Variants in ACOXL observed in about 807,000 individuals in gnomAD.
The protein encoded by ACOXL is acyl-CoA oxidase like.
Under a neutral mutation model 71.9 loss-of-function variants are expected in ACOXL, and 70 were observed. That is an observed-to-expected ratio of 0.97 (90% CI 0.80 to 1.19). ACOXL has a LOEUF of 1.19. Ranked by LOEUF, ACOXL falls within the 50% of genes most tolerant of loss-of-function variation. The pLI is 0.00. For missense variants in ACOXL, 703 were observed against 736.3 expected (o/e 0.95, Z 0.52); for synonymous variants, 253 against 281.6 (o/e 0.90, Z 1.02).
At chr2:110,974,261 TA>T (rs1333168633) in intron 12 of ACOXL, among the ~76,000 whole-genome samples, 6 of 152,220 alleles carry the variant, frequency 3.9e-5, no homozygotes, top group Non-Finnish European at 1.5e-5. Context: ...TGATATTACC[TA>T]CAGTGCTTTC....
chr2:110,942,622 A>ACAC (rs1243379969), intron 12 of ACOXL, among the ~76,000 whole-genome samples: 1 of 152,026 alleles, frequency 6.6e-6, no homozygotes, highest in Admixed American at 6.6e-5. Context: ...GCCATGGTTC[A>ACAC]CACCTGTAAT....
chr2:111,097,189 G>A (rs902284599), intron 17 of ACOXL, among the ~76,000 whole-genome samples: 4 of 151,988 alleles, frequency 2.6e-5, no homozygotes, highest in Non-Finnish European at 5.9e-5. Flanking sequence ...GATGTTTTCT[G>A]TATTTTCTTC....
At chr2:111,043,754 G>T (rs1197913264) in intron 15 of ACOXL, among the ~76,000 whole-genome samples, 3 of 152,184 alleles carry the variant, frequency 2.0e-5, no homozygotes, top group Non-Finnish European at 4.4e-5. Context: ...TCCCAGCAAT[G>T]CTCAGCCATC....
intron 16 of ACOXL, among the ~76,000 whole-genome samples, chr2:111,073,996 C>T (rs1036487756): frequency 1.3e-5 from 2 of 152,016 alleles, no homozygotes; most frequent in Non-Finnish European, 2.9e-5. Flanking sequence ...TTGGGGGAAG[C>T]TGTGGTAAAA....
rs1411833839 is a variant in ACOXL at position 110,933,492 on chromosome 2, T to A, written c.909T>A (p.Tyr303Ter). The change falls in exon 12 of 18, where the codon TAT becomes TAA. Residue 303 changes from tyrosine (Y) to a stop codon, truncating the protein, a stop_gained. Transcript: ENST00000439055. LOFTEE classifies it high-confidence loss of function. ...TALALTFVSRYAGALLDEDVF... is the reference protein window; with the variant it reads ...TALALTFVSR ...ACATGTCTGCTTTGTCCTGCAGGTA[T>A]GCTGGGGCCCTCCTGGATGAGGATG... is the stretch of plus-strand genomic sequence containing the variant. 2 of 1,613,788 alleles carry A rather than the reference T, an allele frequency of 1.2e-6. No individual in the cohort carries two copies. The highest frequency in any genetic ancestry group is 2.2e-5 in the South Asian group (2 of 91,018).
rs1192017170 is a variant in ACOXL at position 110,838,501 on chromosome 2, A to G, written c.754-2870A>G. On this transcript the variant is annotated intron_variant, in intron 9 of 17. Transcript: ENST00000439055. The stretch of plus-strand genomic sequence containing the variant: ...TAAGGCCTAGGAGGAAAAGCATCTC[A>G]TCTCTCAGCAGATCACACAGTTGCC... 2.0e-5 allele frequency among the ~76,000 whole-genome samples: 3 copies of G among 152,308 alleles called. No individual in the cohort carries two copies. The East Asian group carries it at 5.8e-4, about 29-fold the overall frequency.
intron 12 of ACOXL, among the ~76,000 whole-genome samples, chr2:110,947,324 A>G (rs1367773893): frequency 6.6e-6 from 1 of 152,208 alleles, no homozygotes; most frequent in Non-Finnish European, 1.5e-5. Flanking sequence ...TGAGAGAATA[A>G]TAGGGGAAAC....
chr2:110,979,730 C>A (rs965057354), intron 12 of ACOXL, among the ~76,000 whole-genome samples: 3 of 152,102 alleles, frequency 2.0e-5, no homozygotes, highest in African/African-American at 7.2e-5. Flanking sequence ...CTTTCAAGGC[C>A]GGGCAGGTAC....
intron 10 of ACOXL, among the ~76,000 whole-genome samples, chr2:110,862,945 C>T (rs936950765): frequency 6.6e-6 from 1 of 152,214 alleles, no homozygotes; most frequent in East Asian, 1.9e-4. Flanking sequence ...TTCAATGCAC[C>T]CACATTCACT....
chr2:111,043,595 C>A (rs1367585842), intron 15 of ACOXL, among the ~76,000 whole-genome samples: 1 of 152,154 alleles, frequency 6.6e-6, no homozygotes, highest in Admixed American at 6.5e-5. Context: ...TAAGGGGCCC[C>A]TGGCCAGGAG....
At chr2:110,795,661 G>A (rs1220053692) in intron 5 of ACOXL, 2 of 152,146 alleles carry the variant, frequency 1.3e-5, no homozygotes, top group East Asian at 3.9e-4. Flanking sequence ...AGTGAGTTAG[G>A]TTCGGGTGAG....
At chr2:110,912,423 A>G (rs771334063) in intron 11 of ACOXL, among the ~76,000 whole-genome samples, 5 of 152,160 alleles carry the variant, frequency 3.3e-5, no homozygotes, top group Non-Finnish European at 7.4e-5. Flanking sequence ...ATAGATACAC[A>G]GGTCAACAGA....
Position 110,801,718 on chromosome 2 carries a change from T to G in ACOXL, c.614T>G (p.Leu205Arg). 1 of 1,613,984 alleles carries G rather than the reference T, an allele frequency of 6.2e-7. No homozygotes were observed. The highest frequency in any genetic ancestry group is 8.5e-7 in the Non-Finnish European group (1 of 1,179,812). ...GTTCGGATACCCAGGGAGAACCTGC[T>G]GGATAAGTGAGTAGTTTCTCCTTAA... ...DKVRIPRENL[L>R]DKFGSVAPDG... Residue 205 changes from leucine (L) to arginine (R), a missense_variant, in exon 8 of 18, where the codon CTG becomes CGG. Leu to Arg is a moderately radical substitution (Grantham distance 102). Transcript: ENST00000439055.
At chr2:110,908,652 A>T in intron 10 of ACOXL, 137 bp from the exon 11 acceptor site, 2 of 690,540 alleles carry the variant, frequency 2.9e-6, no homozygotes, top group South Asian at 1.9e-5. Context: ...TGCCCTAACC[A>T]CATTTTAGGA....
chr2:110,781,287 G>A (rs922330867), intron 2 of ACOXL, among the ~76,000 whole-genome samples: 1 of 152,108 alleles, frequency 6.6e-6, no homozygotes, highest in Non-Finnish European at 1.5e-5. Flanking sequence ...GACAGAGGAG[G>A]CCTGTCAAGA....
At chr2:110,763,791 A>T (rs758331274) in intron 1 of ACOXL, among the ~76,000 whole-genome samples, 1 of 152,242 alleles carries the variant, frequency 6.6e-6, no homozygotes, top group Non-Finnish European at 1.5e-5. Flanking sequence ...ACACATAGAC[A>T]CGTCTAATAT....
At chr2:111,003,415 G>A (rs2149629453) in intron 14 of ACOXL, among the ~76,000 whole-genome samples, 1 of 151,638 alleles carries the variant, frequency 6.6e-6, no homozygotes, top group African/African-American at 2.4e-5. Flanking sequence ...GCTGAACCTG[G>A]TGGTGGGCAC....
intron 13 of ACOXL, among the ~76,000 whole-genome samples, chr2:110,993,526 T>TATGG (rs935728884): frequency 2.2e-4 from 34 of 152,368 alleles, no homozygotes; most frequent in African/African-American, 7.9e-4. Context: ...ATCATTCTCT[T>TATGG]ATGGATGAAT....
At chr2:110,776,125 G>T (rs80270380) in intron 2 of ACOXL, among the ~76,000 whole-genome samples, 5 of 152,146 alleles carry the variant, frequency 3.3e-5, no homozygotes, top group Non-Finnish European at 7.3e-5. Context: ...GCTATAACAC[G>T]TATGAACCTG....
Sources: allele counts gnomAD v4.1 joint callset (sites outside exome capture counted in the v4.1 genomes callset), GRCh38; gene constraint gnomAD v4.1.1; transcripts MANE v1.5; gene names NCBI Gene and HGNC (gene_info 2026-07-23, HGNC 2026-07-21).